Variants in ITFG1 observed in about 807,000 individuals in gnomAD.
ITFG1 encodes integrin alpha FG-GAP repeat containing 1.
A neutral mutation model predicts 81.8 loss-of-function variants in ITFG1; 34 were observed. The ratio of observed to expected loss-of-function variants is 0.42; its 90% confidence interval spans 0.32 to 0.55. The LOEUF is 0.55. Among genes scored for constraint, ITFG1 ranks in the 20% least tolerant of loss-of-function variants. ITFG1 has a pLI of 0.17. For missense variants in ITFG1, 672 were observed against 755.4 expected, an observed-to-expected ratio of 0.89 and a Z score of 1.29; for synonymous variants, 285 against 270.6, an observed-to-expected ratio of 1.05 and a Z score of -0.52.
intron 6 of ITFG1, among the ~76,000 whole-genome samples, chr16:47,392,949 T>C (rs533536765): frequency 1.7e-3 from 261 of 152,252 alleles, no homozygotes; most frequent in Non-Finnish European, 3.2e-3. Context: ...GGTGTCTTAA[T>C]CCAAGGCCAC....
chr16:47,324,497 A>C (rs1033700854), intron 8 of ITFG1, among the ~76,000 whole-genome samples: 12 of 152,192 alleles, frequency 7.9e-5, no homozygotes, highest in Admixed American at 7.2e-4. Flanking sequence ...TATTAACTTT[A>C]AATGTAAATG....
In ITFG1 at chr16:47,348,846, A is replaced by T. The variant is rs188054345; in HGVS notation, c.802+16942T>A. 2.5e-3 allele frequency among the ~76,000 whole-genome samples: 385 copies of T among 152,346 alleles called. 1 individual carries two copies. The highest frequency in any genetic ancestry group is 2.9e-3 in the Non-Finnish European group (200 of 68,034). On this transcript the variant is annotated intron_variant, in intron 8 of 17. Transcript: ENST00000320640. The stretch of plus-strand genomic sequence containing the variant: ...TTACCCACAAAGGGAAGCCCATCAG[A>T]CTAACAGCGGATCTCTCAGCAGAAA...
chr16:47,390,510 G>A (rs968327433), intron 6 of ITFG1, among the ~76,000 whole-genome samples: 3 of 152,168 alleles, frequency 2.0e-5, no homozygotes, highest in African/African-American at 7.2e-5. Flanking sequence ...CCAGGCTGGA[G>A]TGCAGTGGTG....
At chr16:47,239,503 AT>A (rs796471291) in intron 12 of ITFG1, among the ~76,000 whole-genome samples, 1 of 151,816 alleles carries the variant, frequency 6.6e-6, no homozygotes, top group Non-Finnish European at 1.5e-5. Context: ...CTGGCCAGAT[AT>A]TTTTTTTATA....
At chr16:47,227,948 T>C (rs1965774936) in intron 13 of ITFG1, among the ~76,000 whole-genome samples, 1 of 152,210 alleles carries the variant, frequency 6.6e-6, no homozygotes. Flanking sequence ...TAACGTTAGC[T>C]GTAATGCCCA....
intron 13 of ITFG1, among the ~76,000 whole-genome samples, chr16:47,236,323 A>G (rs1965229450): frequency 6.6e-6 from 1 of 151,946 alleles, no homozygotes; most frequent in African/African-American, 2.4e-5. Flanking sequence ...AAAATACAAA[A>G]AATTAGCCGG....
chr16:47,301,703 A>T (rs997766022), intron 10 of ITFG1, among the ~76,000 whole-genome samples: 5 of 151,920 alleles, frequency 3.3e-5, no homozygotes, highest in African/African-American at 7.3e-5. Context: ...GCTATTTCCA[A>T]TTTTTTCTAG....
chr16:47,289,644 T>C (rs1243144729), intron 10 of ITFG1, among the ~76,000 whole-genome samples: 1 of 152,204 alleles, frequency 6.6e-6, no homozygotes, highest in Non-Finnish European at 1.5e-5. Context: ...ATATAGTTGT[T>C]TGTAATAGTC....
At chr16:47,300,183 G>T (rs1967054295) in intron 10 of ITFG1, among the ~76,000 whole-genome samples, 1 of 152,206 alleles carries the variant, frequency 6.6e-6, no homozygotes, top group Admixed American at 6.5e-5. Context: ...ATCACTCCCA[G>T]TTCCTGGCCC....
In ITFG1 at chr16:47,259,933, G is replaced by A. The variant is rs184050376; in HGVS notation, c.1221+612C>T. Among the ~76,000 whole-genome samples, 1,440 of 150,806 alleles carry A rather than the reference G, an allele frequency of 9.5e-3. 12 individuals carry two copies. The highest frequency in any genetic ancestry group is 0.015 in the South Asian group (70 of 4,772). On this transcript the variant is annotated intron_variant, in intron 11 of 17. Transcript: ENST00000320640. ...TTCAAGGGTCTGTTATTTGTTGGCT[G>A]TAAATTTTTTTTTTTTTTTTTTTGA...
At chr16:47,362,979 G>A (rs1229780810) in intron 8 of ITFG1, among the ~76,000 whole-genome samples, 1 of 151,960 alleles carries the variant, frequency 6.6e-6, no homozygotes, top group African/African-American at 2.4e-5. Flanking sequence ...TCACTGCAAC[G>A]TCTGCCTCCC....
intron 7 of ITFG1, among the ~76,000 whole-genome samples, chr16:47,371,597 G>C (rs1404921898): frequency 6.6e-6 from 1 of 152,076 alleles, no homozygotes; most frequent in Non-Finnish European, 1.5e-5. Flanking sequence ...TATTTATAAA[G>C]GTAAAAACTG....
At chr16:47,407,676 C>T (rs544628825) in intron 6 of ITFG1, among the ~76,000 whole-genome samples, 25 of 152,132 alleles carry the variant, frequency 1.6e-4, no homozygotes, top group Admixed American at 7.2e-4. Context: ...ATTGGAAGGA[C>T]GGGACTGCCA....
intron 14 of ITFG1, 184 bp downstream of exon 14, chr16:47,218,684 T>C: frequency 2.8e-6 from 1 of 358,822 alleles, no homozygotes; most frequent in Non-Finnish European, 5.0e-6. Flanking sequence ...GAATTGAAAG[T>C]GAACATTTTT....
chr16:47,440,535 C>T (rs921258738), intron 5 of ITFG1, among the ~76,000 whole-genome samples: 3 of 152,174 alleles, frequency 2.0e-5, no homozygotes, highest in Non-Finnish European at 4.4e-5. Flanking sequence ...AAGAAACTCA[C>T]TCAAAACCGC....
rs372252068 is a variant in ITFG1 at position 47,454,168 on chromosome 16, A to T, written c.282-10T>A. 136 of 1,585,250 alleles carry T rather than the reference A, an allele frequency of 8.6e-5. No homozygotes were observed. In the African/African-American group the frequency reaches 1.8e-3, roughly 21 times the overall value. On this transcript the variant is annotated splice_polypyrimidine_tract_variant and intron_variant, in intron 2 of 17. Transcript: ENST00000320640. ...CAATGCACTGTGATTCCTAAAAGAAACAAGCATTTACAAATATCAGACAAG... is the reference window on the plus strand; with the variant it reads ...CAATGCACTGTGATTCCTAAAAGAATCAAGCATTTACAAATATCAGACAAG...
At chr16:47,306,832 C>T (rs1246940682) in intron 10 of ITFG1, among the ~76,000 whole-genome samples, 4 of 151,806 alleles carry the variant, frequency 2.6e-5, no homozygotes, top group Non-Finnish European at 4.4e-5. Flanking sequence ...CGGTGGCTCA[C>T]GCCTGTAATC....
chr16:47,226,972 T>C lies in ITFG1; in HGVS notation c.1375-8026A>G, dbSNP rs1965765740. 3.3e-5 allele frequency among the ~76,000 whole-genome samples: 5 copies of C among 152,214 alleles called. No homozygotes were observed. The South Asian group carries it at 1.0e-3, about 31-fold the overall frequency. ...TCAGTTTTAATTTCAAACAAAGTAA[T>C]GTCAGTAGATATATCTAATGTAAAG... On this transcript the variant is annotated intron_variant, in intron 13 of 17. Coordinates refer to ENST00000320640, the MANE Select transcript of ITFG1 (RefSeq NM_030790.5).
At chr16:47,238,808 T>C (rs1040697668) in intron 12 of ITFG1, among the ~76,000 whole-genome samples, 2 of 152,200 alleles carry the variant, frequency 1.3e-5, no homozygotes, top group Non-Finnish European at 2.9e-5. Flanking sequence ...TGGTTTCTTT[T>C]GTTTGTTTAT....
Sources: allele counts gnomAD v4.1 joint callset (sites outside exome capture counted in the v4.1 genomes callset), GRCh38; gene constraint gnomAD v4.1.1; transcripts MANE v1.5; gene names NCBI Gene and HGNC (gene_info 2026-07-23, HGNC 2026-07-21).